The following DPP10 variants were observed in gnomAD, a reference collection of about 807,000 sequenced individuals.
The protein encoded by DPP10 is dipeptidyl peptidase like 10.
DPP10 carries 33 observed loss-of-function variants against 120.9 expected under a neutral mutation model. The observed-to-expected ratio is 0.27, with a 90% CI of 0.21 to 0.37. The LOEUF (loss-of-function observed/expected upper bound fraction) is 0.37. Ranked by LOEUF, DPP10 falls within the 10% of genes least tolerant of loss-of-function variation. The pLI, the probability that DPP10 is intolerant of heterozygous loss-of-function variation, is 1.00. For missense variants in DPP10, 816 were observed against 942.8 expected, an observed-to-expected ratio of 0.87 and a Z score of 1.76; for synonymous variants, 337 against 326.1, an observed-to-expected ratio of 1.03 and a Z score of -0.36.
At chr2:114,817,639 A>G (rs1685750571) in intron 1 of DPP10, among the ~76,000 whole-genome samples, 1 of 152,182 alleles carries the variant, frequency 6.6e-6, no homozygotes, top group South Asian at 2.1e-4. Context: ...GTCAGAGGGT[A>G]AGAGAGCTGG....
chr2:115,147,909 C>T (rs1174118881), intron 1 of DPP10, among the ~76,000 whole-genome samples: 3 of 152,226 alleles, frequency 2.0e-5, no homozygotes, highest in South Asian at 4.2e-4. Context: ...GATAGGGAAA[C>T]CCCGTTTGGA....
chr2:114,631,094 T>G (rs767534620), intron 1 of DPP10, among the ~76,000 whole-genome samples: 33 of 152,092 alleles, frequency 2.2e-4, no homozygotes, highest in Non-Finnish European at 4.1e-4. Context: ...TAGTTTATGT[T>G]TTTTAGGGAC....
intron 1 of DPP10, among the ~76,000 whole-genome samples, chr2:114,516,580 A>G (rs1298947387): frequency 3.3e-5 from 5 of 152,228 alleles, no homozygotes; most frequent in African/African-American, 1.2e-4. Context: ...AATGCCTTGT[A>G]TTAGACTATT....
intron 1 of DPP10, among the ~76,000 whole-genome samples, chr2:114,492,113 GTTGAAA>G (rs768290158): frequency 1.3e-5 from 2 of 152,158 alleles, no homozygotes; most frequent in Non-Finnish European, 2.9e-5. Context: ...AAGGGCATCA[GTTGAAA>G]GTGTTTGTTA....
chr2:114,842,037 A>G (rs1053991119), intron 1 of DPP10, among the ~76,000 whole-genome samples: 1 of 152,090 alleles, frequency 6.6e-6, no homozygotes, highest in African/African-American at 2.4e-5. Context: ...TCTTTTGAAT[A>G]TAGAAGAAAT....
rs902776062 is a variant in DPP10 at position 115,510,164 on chromosome 2, T to G, written c.366+10560T>G. Among the ~76,000 whole-genome samples, 3 of 152,318 alleles carry G rather than the reference T, an allele frequency of 2.0e-5. No homozygotes were observed. In the East Asian group the frequency reaches 5.8e-4, roughly 29 times the overall value. ...GGTATGTTGTCTTTCACTTTCTGAT[T>G]GGTGTCTTTTGATGCACCAGATTTA... On this transcript the variant is annotated intron_variant, in intron 4 of 25. Transcript: ENST00000410059.
intron 1 of DPP10, among the ~76,000 whole-genome samples, chr2:114,934,605 A>T (rs1180406923): frequency 6.6e-6 from 1 of 151,976 alleles, no homozygotes; most frequent in Non-Finnish European, 1.5e-5. Flanking sequence ...TGTGTCATTC[A>T]TGGGTCAACT....
At position 115,402,854 on chromosome 2, in the gene DPP10, A is replaced by AAAAATATATAT. The variant is rs1476901026; in HGVS notation, c.271+58943_271+58944insAAATATATATA. Among the ~76,000 whole-genome samples, 4 of 97,638 alleles carry AAAAATATATAT rather than the reference A, an allele frequency of 4.1e-5. No individual in the cohort carries two copies. The East Asian group carries it at 1.3e-3, about 31-fold the overall frequency. 64.1% of individuals were successfully genotyped at this position (97,638 alleles called of 152,430 possible). On this transcript the variant is annotated intron_variant, in intron 3 of 25. Coordinates refer to ENST00000410059, the MANE Select transcript of DPP10 (RefSeq NM_020868.6). ...AGGACACTACAAGGAAAAAAAAAAA[A>AAAAATATATAT]ATATATATATATATATATATATGTG...
In DPP10 at chr2:115,761,757, A is replaced by G. The variant is rs187972414; in HGVS notation, c.1075-815A>G. Among the ~76,000 whole-genome samples the G allele has an allele frequency of 1.7e-4, 26 of 152,256 alleles. No homozygotes were observed. The East Asian group carries it at 4.8e-3, about 28-fold the overall frequency. ...TAATGTAATCATAATATGGATTTAG[A>G]AAAAGAAATTAGTATTTAAAAACAT... On this transcript the variant is annotated intron_variant, in intron 11 of 25. Transcript: ENST00000410059.
At chr2:114,577,359 C>G (rs1690136731) in intron 1 of DPP10, among the ~76,000 whole-genome samples, 9 of 152,178 alleles carry the variant, frequency 5.9e-5, no homozygotes, top group Admixed American at 5.9e-4. Flanking sequence ...CCTTGGCCAA[C>G]AGGCCTTCCT....
In DPP10 at chr2:114,976,951, C is replaced by T. The variant is rs186142802; in HGVS notation, c.61-332288C>T. Among the ~76,000 whole-genome samples the T allele has an allele frequency of 2.0e-4, 31 of 152,174 alleles. 1 individual carries two copies. The East Asian group carries it at 4.8e-3, about 24-fold the overall frequency. On this transcript the variant is annotated intron_variant, in intron 1 of 25. Transcript: ENST00000410059. ...TTCCATATCTATCATCTTCTAATTG[C>T]TTTGTTCTCTCGGTCTTTTTCTTCA...
chr2:115,257,686 T>C (rs779292665), intron 1 of DPP10, among the ~76,000 whole-genome samples: 8 of 152,148 alleles, frequency 5.3e-5, no homozygotes, highest in Non-Finnish European at 1.2e-4. Context: ...TTCATCTGGA[T>C]AGGATGTACA....
chr2:115,187,916 G>A lies in DPP10; in HGVS notation c.61-121323G>A, dbSNP rs191106323. ...TGCCTGTAGTCCCAGCTACTTGGGAGGCTGAGGTGGGAGTATCTCCTGAGC... is the reference window on the plus strand; with the variant it reads ...TGCCTGTAGTCCCAGCTACTTGGGAAGCTGAGGTGGGAGTATCTCCTGAGC... On this transcript the variant is annotated intron_variant, in intron 1 of 25. Transcript: ENST00000410059. Among the ~76,000 whole-genome samples, 20 of 152,280 alleles carry A rather than the reference G, an allele frequency of 1.3e-4. No homozygotes were observed. In the East Asian group the frequency reaches 3.5e-3, roughly 26 times the overall value.
At chr2:115,776,790 C>G (rs1046794489) in intron 13 of DPP10, among the ~76,000 whole-genome samples, 1 of 151,878 alleles carries the variant, frequency 6.6e-6, no homozygotes, top group Non-Finnish European at 1.5e-5. Flanking sequence ...AATCTTATAA[C>G]AATGCCCATA....
intron 3 of DPP10, among the ~76,000 whole-genome samples, chr2:115,392,252 A>G (rs2067369325): frequency 6.6e-6 from 1 of 152,072 alleles, no homozygotes; most frequent in Admixed American, 6.6e-5. Flanking sequence ...CAGCTGTGGA[A>G]TTAGTAAAAC....
At chr2:114,516,462 A>G (rs574192219) in intron 1 of DPP10, among the ~76,000 whole-genome samples, 1 of 152,328 alleles carries the variant, frequency 6.6e-6, no homozygotes, top group East Asian at 1.9e-4. Flanking sequence ...AACCCTGGAA[A>G]AGATGAAGAA....
intron 1 of DPP10, among the ~76,000 whole-genome samples, chr2:114,695,179 C>T (rs1304015521): frequency 5.9e-5 from 9 of 151,790 alleles, no homozygotes; most frequent in East Asian, 1.9e-4. Context: ...GGCAGTTAGG[C>T]GCTTATTGTG....
chr2:114,469,416 A>G (rs1679710709), intron 1 of DPP10, among the ~76,000 whole-genome samples: 1 of 152,194 alleles, frequency 6.6e-6, no homozygotes, highest in Non-Finnish European at 1.5e-5. Flanking sequence ...AGAATGAAAG[A>G]CAGAAGTTTT....
intron 1 of DPP10, among the ~76,000 whole-genome samples, chr2:114,994,325 A>G (rs1015681315): frequency 6.6e-6 from 1 of 152,224 alleles, no homozygotes; most frequent in African/African-American, 2.4e-5. Flanking sequence ...AAATTTACCT[A>G]GAATTAGATC....
Sources: allele counts gnomAD v4.1 joint callset (sites outside exome capture counted in the v4.1 genomes callset), GRCh38; gene constraint gnomAD v4.1.1; transcripts MANE v1.5; gene names NCBI Gene and HGNC (gene_info 2026-07-23, HGNC 2026-07-21).